The following CACNA2D1 variants were observed in gnomAD, a reference collection of about 807,000 sequenced individuals.
CACNA2D1 encodes voltage-dependent calcium channel subunit alpha-2/delta-1.
In CACNA2D1, 53 loss-of-function variants were observed where a neutral mutation model predicts 171.5. The ratio of observed to expected loss-of-function variants is 0.31; its 90% CI spans 0.25 to 0.39. CACNA2D1 has a LOEUF of 0.39. Ranked by LOEUF, CACNA2D1 falls within the 10% of genes least tolerant of loss-of-function variation. The probability of loss-of-function intolerance (pLI) is 1.00; values close to 1 mark genes in which losing one functional copy is unlikely to be tolerated. For synonymous variants in CACNA2D1, 442 were observed against 443.1 expected, an observed-to-expected ratio of 1.00 and a Z score of 0.03; for missense variants, 903 against 1,299.8, an observed-to-expected ratio of 0.69 and a Z score of 4.69.
At chr7:82,383,458 G>C (rs938067071) in intron 1 of CACNA2D1, among the ~76,000 whole-genome samples, 24 of 152,260 alleles carry the variant, frequency 1.6e-4, no homozygotes, top group African/African-American at 5.1e-4. Flanking sequence ...AAGAAGATTT[G>C]TAATAGTTAC....
chr7:81,984,805 G>T, intron 21 of CACNA2D1, 94 bp from the exon 22 acceptor site: 1 of 734,896 alleles, frequency 1.4e-6, no homozygotes, highest in East Asian at 2.7e-5. Context: ...AAAATCGAAA[G>T]ATCTTCCTCA....
intron 6 of CACNA2D1, among the ~76,000 whole-genome samples, chr7:82,086,852 T>G (rs1317729053): frequency 6.6e-6 from 1 of 152,102 alleles, no homozygotes; most frequent in Non-Finnish European, 1.5e-5. Context: ...CTACTAAGTA[T>G]TGGGTACTGA....
At chr7:82,261,373 C>G (rs1250974200) in intron 3 of CACNA2D1, among the ~76,000 whole-genome samples, 3 of 152,220 alleles carry the variant, frequency 2.0e-5, no homozygotes, top group African/African-American at 7.2e-5. Context: ...ACTGTAAGAT[C>G]TTATCTCCAA....
chr7:82,111,924 A>T (rs1159864465), intron 6 of CACNA2D1, among the ~76,000 whole-genome samples: 1 of 152,206 alleles, frequency 6.6e-6, no homozygotes, highest in Non-Finnish European at 1.5e-5. Flanking sequence ...CAATAAATCA[A>T]AATATTTGTT....
intron 3 of CACNA2D1, among the ~76,000 whole-genome samples, chr7:82,306,542 A>G (rs1813757438): frequency 6.6e-6 from 1 of 152,194 alleles, no homozygotes; most frequent in Non-Finnish European, 1.5e-5. Flanking sequence ...TTAATGGGTT[A>G]GTGACTGGCA....
At chr7:82,287,564 A>G (rs369592738) in intron 3 of CACNA2D1, among the ~76,000 whole-genome samples, 16 of 152,280 alleles carry the variant, frequency 1.1e-4, no homozygotes, top group African/African-American at 3.6e-4. Context: ...AAGGAAATGA[A>G]TATCAAATTC....
chr7:82,370,690 C>T (rs1355261615), intron 1 of CACNA2D1, among the ~76,000 whole-genome samples: 1 of 151,378 alleles, frequency 6.6e-6, no homozygotes, highest in East Asian at 2.0e-4. Flanking sequence ...GTGAAAAATA[C>T]CTATTCTCAA....
intron 1 of CACNA2D1, among the ~76,000 whole-genome samples, chr7:82,359,886 G>A (rs1720161511): frequency 6.6e-6 from 1 of 152,166 alleles, no homozygotes; most frequent in African/African-American, 2.4e-5. Context: ...GCACCTATAT[G>A]TCAGGAACTG....
intron 3 of CACNA2D1, among the ~76,000 whole-genome samples, chr7:82,284,635 A>G (rs553591714): frequency 4.6e-5 from 7 of 152,282 alleles, no homozygotes; most frequent in African/African-American, 1.7e-4. Flanking sequence ...GAGGAGCTGA[A>G]GAGCAAGGAA....
In CACNA2D1 at chr7:81,984,668, CT is replaced by C; in HGVS notation, c.1839del (p.Ala614ProfsTer3). 1 of 1,573,120 alleles carries C rather than the reference CT, an allele frequency of 6.4e-7. No homozygotes were observed. Among genetic ancestry groups the C allele is most frequent in the Non-Finnish European group, 8.7e-7 (1 of 1,153,916 alleles). ...VLPTYSFYYI[K>X]AKLEETITQA... Reference sequence around the variant, plus strand: ...TGAGTTATTGTCTCTTCTAGTTTGGCTTTTATATAGTAAAAACTGTAGGTTG... The same window carrying C: ...TGAGTTATTGTCTCTTCTAGTTTGGCTTTATATAGTAAAAACTGTAGGTTG... On this transcript the variant is annotated frameshift_variant, in exon 22 of 39. Transcript: ENST00000356860. LOFTEE classifies it high-confidence loss of function.
At chr7:82,166,359 G>C (rs147264750) in intron 4 of CACNA2D1, among the ~76,000 whole-genome samples, 1 of 151,882 alleles carries the variant, frequency 6.6e-6, no homozygotes, top group South Asian at 2.1e-4. Flanking sequence ...TTTATTTACC[G>C]GCCAATTTCT....
rs1563385805 is a variant in CACNA2D1 at position 82,335,138 on chromosome 7, C to T, written c.291G>A (p.Leu97=). 1.9e-6 allele frequency: 3 copies of T among 1,576,806 alleles called. No homozygotes were observed. In the Admixed American group the frequency reaches 5.0e-5, roughly 26 times the overall value. Reference sequence around the variant, plus strand: ...AGCAGATCCAATTTAAACTCACCACCAGGGCTTTAGATCTGTTGCTCAGAA... The same window carrying T: ...AGCAGATCCAATTTAAACTCACCACTAGGGCTTTAGATCTGTTGCTCAGAA... ...EKLLSNRSKA[L]VRLALEAEKV... The change falls in exon 3 of 39, where the codon CTG becomes CTA. Residue 97 remains leucine, a synonymous_variant. Transcript: ENST00000356860.
intron 3 of CACNA2D1, among the ~76,000 whole-genome samples, chr7:82,186,835 A>T (rs189105170): frequency 1.1e-3 from 172 of 152,288 alleles, no homozygotes; most frequent in Middle Eastern, 3.4e-3. Context: ...CACAGATTTG[A>T]ATTCTGAATG....
At chr7:82,016,640 C>G (rs1800516728) in intron 12 of CACNA2D1, among the ~76,000 whole-genome samples, 1 of 125,412 alleles carries the variant, frequency 8.0e-6, no homozygotes, top group African/African-American at 2.9e-5. Context: ...AAGCTTGTTG[C>G]TTTATTTATT....
rs199938853 is a variant in CACNA2D1 at position 82,340,341 on chromosome 7, G to GTT, written c.178-5092_178-5091dup. Among the ~76,000 whole-genome samples the GTT allele has an allele frequency of 6.5e-4, 87 of 133,226 alleles. No homozygotes were observed. In the South Asian group the frequency reaches 0.012, roughly 18 times the overall value. 87.4% of individuals were successfully genotyped at this position (133,226 alleles called of 152,430 possible). A position where few individuals can be genotyped will look rare whatever the true frequency, so the allele number is the denominator to read the frequency against. On this transcript the variant is annotated intron_variant, in intron 2 of 38. Coordinates refer to ENST00000356860, the MANE Select transcript of CACNA2D1 (RefSeq NM_000722.4). Reference sequence around the variant, plus strand: ...CTTAATTTGGCTAAGTTTGTTTTTTGTTTTTTTTTTTTTTTAATAGGATCT... The same window carrying GTT: ...CTTAATTTGGCTAAGTTTGTTTTTTGTTTTTTTTTTTTTTTTTAATAGGATCT...
At chr7:82,414,793 A>C (rs1828004265) in intron 1 of CACNA2D1, among the ~76,000 whole-genome samples, 1 of 152,206 alleles carries the variant, frequency 6.6e-6, no homozygotes, top group African/African-American at 2.4e-5. Flanking sequence ...TTGATTCTAC[A>C]TGTCCATACA....
chr7:82,219,825 GAAC>G (rs1801555789), intron 3 of CACNA2D1, among the ~76,000 whole-genome samples: 1 of 151,950 alleles, frequency 6.6e-6, no homozygotes, highest in African/African-American at 2.4e-5. Context: ...ATTCTGATGA[GAAC>G]AACATTTAAA....
chr7:82,344,444 C>T (rs780610980), intron 2 of CACNA2D1, among the ~76,000 whole-genome samples: 10 of 152,194 alleles, frequency 6.6e-5, no homozygotes, highest in Admixed American at 6.5e-5. Flanking sequence ...TGTTAATTAA[C>T]GGCCGGAAGA....
At chr7:82,352,885 C>A (rs993426667) in intron 1 of CACNA2D1, among the ~76,000 whole-genome samples, 10 of 152,030 alleles carry the variant, frequency 6.6e-5, no homozygotes, top group African/African-American at 2.4e-4. Flanking sequence ...CTTGGTTCAG[C>A]AAAAGGTATG....
Sources: allele counts gnomAD v4.1 joint callset (sites outside exome capture counted in the v4.1 genomes callset), GRCh38; gene constraint gnomAD v4.1.1; transcripts MANE v1.5; gene names NCBI Gene and HGNC (gene_info 2026-07-23, HGNC 2026-07-21).